MEMO1: variants seen among roughly 807,000 people sequenced by gnomAD.
MEMO1 encodes mediator of cell motility 1, also known as protein MEMO1.
In MEMO1, 6 loss-of-function variants were observed where a neutral mutation model predicts 45.2. That is an observed-to-expected ratio of 0.13 (90% CI 0.07 to 0.26). The LOEUF is 0.26. Among genes scored for constraint, MEMO1 ranks in the 10% least tolerant of loss-of-function variants. The probability of loss-of-function intolerance (pLI) is 1.00; values close to 1 mark genes in which losing one functional copy is unlikely to be tolerated. For synonymous variants in MEMO1, 78 were observed against 124.3 expected (o/e 0.63, Z 2.48); for missense variants, 184 against 370.5 (o/e 0.50, Z 4.13).
In MEMO1 at chr2:32,002,803, T is replaced by C. The variant is rs535905727; in HGVS notation, c.61+7384A>G. Among the ~76,000 whole-genome samples the C allele has an allele frequency of 5.9e-5, 9 of 152,248 alleles. No homozygotes were observed. The South Asian group carries it at 1.0e-3, about 18-fold the overall frequency. Reference sequence around the variant, plus strand: ...ACTCAAAAGCAGTTGACACGAACCATGGAGACAGTGAAGGAGATGATTTTG... The same window carrying C: ...ACTCAAAAGCAGTTGACACGAACCACGGAGACAGTGAAGGAGATGATTTTG... On this transcript the variant is annotated intron_variant, in intron 2 of 9. Coordinates refer to ENST00000404530, the MANE Select transcript of MEMO1 (RefSeq NM_001301833.4).
At chr2:31,981,800 A>G (rs1415963447) in intron 2 of MEMO1, among the ~76,000 whole-genome samples, 2 of 152,242 alleles carry the variant, frequency 1.3e-5, no homozygotes, top group Non-Finnish European at 2.9e-5. Flanking sequence ...AGGCATAATG[A>G]CACCTAAAAG....
chr2:31,898,606 G>T (rs1678252888), intron 6 of MEMO1, among the ~76,000 whole-genome samples: 1 of 152,100 alleles, frequency 6.6e-6, no homozygotes, highest in Non-Finnish European at 1.5e-5. Flanking sequence ...TTGTTTTGCA[G>T]TTGCTGAGGA....
At chr2:32,001,164 G>A (rs989044184) in intron 2 of MEMO1, among the ~76,000 whole-genome samples, 7 of 148,076 alleles carry the variant, frequency 4.7e-5, no homozygotes, top group Admixed American at 6.9e-5. Context: ...TCAGCCTCCC[G>A]CGTAGCTGGG....
At chr2:31,880,905 T>C (rs948517799) in intron 8 of MEMO1, among the ~76,000 whole-genome samples, 1 of 151,988 alleles carries the variant, frequency 6.6e-6, no homozygotes, top group African/African-American at 2.4e-5. Context: ...ATGTCTATAG[T>C]CCCAGCTACT....
chr2:31,911,603 A>T (rs907962217), intron 6 of MEMO1, among the ~76,000 whole-genome samples: 1 of 152,238 alleles, frequency 6.6e-6, no homozygotes, highest in Non-Finnish European at 1.5e-5. Context: ...TGTTAAGAAC[A>T]GGAAAAACCG....
At chr2:31,960,832 C>T (rs1047487816) in intron 2 of MEMO1, among the ~76,000 whole-genome samples, 5 of 152,142 alleles carry the variant, frequency 3.3e-5, no homozygotes, top group Admixed American at 2.6e-4. Flanking sequence ...GTGATCCGCC[C>T]GCCTCAGCCT....
At chr2:31,884,490 A>G (rs1397488445) in intron 7 of MEMO1, among the ~76,000 whole-genome samples, 1 of 152,128 alleles carries the variant, frequency 6.6e-6, no homozygotes, top group Non-Finnish European at 1.5e-5. Context: ...CCACCCTCAC[A>G]CCTGAAGACA....
rs1166026034 is a variant in MEMO1 at position 31,966,221 on chromosome 2, C to T, written c.62-22838G>A. ...TTTCCAACTACCATCCCTTCATTCCCACATAATACATTACAAAAATGGCTC... is the reference window on the plus strand; with the variant it reads ...TTTCCAACTACCATCCCTTCATTCCTACATAATACATTACAAAAATGGCTC... On this transcript the variant is annotated intron_variant, in intron 2 of 9. Transcript: ENST00000404530. Among the ~76,000 whole-genome samples the T allele has an allele frequency of 3.3e-5, 5 of 152,122 alleles. No individual in the cohort carries two copies. In the East Asian group the frequency reaches 9.6e-4, roughly 29 times the overall value.
At chr2:31,958,255 T>C (rs1353891151) in intron 2 of MEMO1, among the ~76,000 whole-genome samples, 1 of 152,044 alleles carries the variant, frequency 6.6e-6, no homozygotes, top group African/African-American at 2.4e-5. Context: ...ACTTTGCTTT[T>C]AAAGTTGTTG....
chr2:31,906,305 T>G (rs947509059), intron 6 of MEMO1, among the ~76,000 whole-genome samples: 3 of 150,598 alleles, frequency 2.0e-5, no homozygotes. Context: ...TTTTTGTTTT[T>G]TTTGTTTGTT....
chr2:31,940,186 G>A (rs1185871688), intron 3 of MEMO1, among the ~76,000 whole-genome samples: 2 of 151,968 alleles, frequency 1.3e-5, no homozygotes, highest in Non-Finnish European at 2.9e-5. Flanking sequence ...CTTATCCAAG[G>A]GGCTAGTCCT....
intron 2 of MEMO1, among the ~76,000 whole-genome samples, chr2:31,969,574 GGTGTGTGTGT>G (rs1217308309): frequency 9.0e-6 from 1 of 110,706 alleles, no homozygotes; most frequent in Non-Finnish European, 1.8e-5. Flanking sequence ...CTTTTCTGGG[GGTGTGTGTGT>G]GGGTGTGTGT....
intron 6 of MEMO1, among the ~76,000 whole-genome samples, chr2:31,898,830 T>A (rs1357231581): frequency 2.0e-5 from 3 of 152,200 alleles, no homozygotes; most frequent in Non-Finnish European, 4.4e-5. Context: ...CTCCGGCTAT[T>A]ATTGTGTGGG....
intron 6 of MEMO1, chr2:31,893,463 AAAG>A: frequency 1.4e-6 from 1 of 699,902 alleles, no homozygotes; most frequent in Non-Finnish European, 1.8e-6. Context: ...AATTGAAAGA[AAAG>A]AATTAATTAT....
At chr2:31,963,230 C>T in intron 2 of MEMO1, 1 of 1,546,866 alleles carries the variant, frequency 6.5e-7, no homozygotes. Context: ...TGTCAGCCCT[C>T]CATAATGGCA....
chr2:32,005,232 A>C (rs890956476), intron 2 of MEMO1, among the ~76,000 whole-genome samples: 1 of 149,630 alleles, frequency 6.7e-6, no homozygotes, highest in Non-Finnish European at 1.5e-5. Context: ...AAGGAGGAAG[A>C]CTGCTTGAGC....
intron 7 of MEMO1, among the ~76,000 whole-genome samples, chr2:31,890,934 A>G (rs1174305511): frequency 3.3e-5 from 5 of 152,200 alleles, no homozygotes; most frequent in Admixed American, 3.3e-4. Context: ...GCAAAAAACT[A>G]ATCTGTACCA....
chr2:31,999,498 C>A (rs768420779), intron 2 of MEMO1, among the ~76,000 whole-genome samples: 11 of 152,106 alleles, frequency 7.2e-5, no homozygotes, highest in South Asian at 2.1e-4. Context: ...CCCGCCCCCC[C>A]ATCTCTACCA....
In MEMO1 at chr2:31,940,708, A is replaced by T. The variant is rs181441500; in HGVS notation, c.143+2594T>A. Among the ~76,000 whole-genome samples, 491 of 152,136 alleles carry T rather than the reference A, an allele frequency of 3.2e-3. 4 individuals carry two copies. Among genetic ancestry groups the T allele is most frequent in the African/African-American group, 0.011 (465 of 41,498 alleles). ...AGTTGCATCCCATCACATCCAGCTA[A>T]TTTTTGTAGAGATGGAGTCTTGTTT... On this transcript the variant is annotated intron_variant, in intron 3 of 9. Transcript: ENST00000404530.
Sources: gnomAD v4.1 joint callset for allele counts (sites outside exome capture counted in the v4.1 genomes callset) on GRCh38, gnomAD v4.1.1 for gene constraint, MANE v1.5 for transcripts, NCBI Gene and HGNC (gene_info 2026-07-23, HGNC 2026-07-21) for gene names.